CDYL2: variants seen among roughly 807,000 people sequenced by gnomAD.
The protein encoded by CDYL2 is chromodomain Y like 2.
Under a neutral mutation model 49.4 loss-of-function variants are expected in CDYL2, and 23 were observed. The observed-to-expected ratio is 0.47, with a 90% confidence interval of 0.34 to 0.66. The LOEUF (loss-of-function observed/expected upper bound fraction) is 0.66, where lower values mean the gene tolerates loss of function less well. CDYL2 is among the 30% of genes least tolerant of loss of function. The pLI is 0.01. For missense variants in CDYL2, 678 were observed against 656.4 expected (o/e 1.03, Z -0.36); for synonymous variants, 360 against 268.8 (o/e 1.34, Z -3.32).
intron 2 of CDYL2, among the ~76,000 whole-genome samples, chr16:80,646,510 G>T (rs769859850): frequency 6.6e-6 from 1 of 151,806 alleles, no homozygotes; most frequent in Non-Finnish European, 1.5e-5. Flanking sequence ...CAAGACCCAG[G>T]TCGGGCGTGG....
At chr16:80,627,372 G>A (rs912194015) in intron 3 of CDYL2, among the ~76,000 whole-genome samples, 1 of 151,668 alleles carries the variant, frequency 6.6e-6, no homozygotes, top group South Asian at 2.1e-4. Flanking sequence ...TCTGGCTAAG[G>A]CCATACTTAC....
chr16:80,711,432 T>C (rs973341284), intron 1 of CDYL2, among the ~76,000 whole-genome samples: 14 of 152,196 alleles, frequency 9.2e-5, no homozygotes, highest in Admixed American at 9.2e-4. Flanking sequence ...GGGACTGCTT[T>C]GAGTGCTTAA....
chr16:80,728,532 C>T lies in CDYL2; in HGVS notation c.25-43403G>A, dbSNP rs868504463. Among the ~76,000 whole-genome samples, 1,139 of 152,204 alleles carry T rather than the reference C, an allele frequency of 7.5e-3. 20 individuals are homozygous for T. Among genetic ancestry groups the T allele is most frequent in the African/African-American group, 0.026 (1,061 of 41,486 alleles). On this transcript the variant is annotated intron_variant, in intron 1 of 6. Coordinates refer to ENST00000570137, the MANE Select transcript of CDYL2 (RefSeq NM_152342.4). ...AGTTGGAAAACACTCTGCAGGATAT[C>T]ATCCAGGAGAACTTGCCCAATCTAG...
At chr16:80,739,525 G>C (rs866518642) in intron 1 of CDYL2, among the ~76,000 whole-genome samples, 1 of 152,228 alleles carries the variant, frequency 6.6e-6, no homozygotes. Context: ...TAGGACAAAA[G>C]ATCAGGAGCT....
intron 2 of CDYL2, among the ~76,000 whole-genome samples, chr16:80,673,067 C>T (rs199961656): frequency 6.6e-6 from 1 of 152,122 alleles, no homozygotes; most frequent in South Asian, 2.1e-4. Context: ...CCTGTAATCC[C>T]AGCACTTTGG....
At chr16:80,780,077 C>G (rs74030433) in intron 1 of CDYL2, among the ~76,000 whole-genome samples, 3 of 151,952 alleles carry the variant, frequency 2.0e-5, no homozygotes, top group African/African-American at 7.3e-5. Context: ...AATCTAAGGA[C>G]CTGAAAACAA....
rs1906240293 is a variant in CDYL2, at chr16:80,604,448, G to A, written c.1461C>T (p.Ser487=). 6.2e-7 allele frequency: 1 copy of A among 1,614,104 alleles called. No homozygotes were observed. Among genetic ancestry groups the A allele is most frequent in the South Asian group, 1.1e-5 (1 of 91,092 alleles). ...AAAGGGAGTCAAGGCCTTTGGAGGA[G>A]CTCCAGAGCTGCTTGAGCATGAGGC... ...KECLMLKQLW[S]SSKGLDSLFS... is the part of the protein sequence containing the mutation. The change falls in exon 7 of 7, where the codon AGC becomes AGT. Residue 487 remains serine, a synonymous_variant. Transcript: ENST00000570137.
intron 6 of CDYL2, among the ~76,000 whole-genome samples, chr16:80,605,939 G>A (rs77086080): frequency 0.19 from 29,211 of 152,154 alleles, 2,924 homozygotes; most frequent in East Asian, 0.33. Context: ...CCACTCATGG[G>A]TAGAGGGAGC....
At position 80,619,286 on chromosome 16, in the gene CDYL2, C is replaced by T. The variant is rs538855080; in HGVS notation, c.1007+1477G>A. 2.6e-5 allele frequency among the ~76,000 whole-genome samples: 4 copies of T among 152,310 alleles called. No individual in the cohort carries two copies. The South Asian group carries it at 6.2e-4, about 24-fold the overall frequency. ...AAGAGCCTTTTTCCAAATACGGTCA[C>T]CTCCACAGGTTCCAGGGATTGGCAC... On this transcript the variant is annotated intron_variant, in intron 4 of 6. Transcript: ENST00000570137.
chr16:80,768,752 G>A (rs1250539627), intron 1 of CDYL2, among the ~76,000 whole-genome samples: 1 of 152,174 alleles, frequency 6.6e-6, no homozygotes, highest in Non-Finnish European at 1.5e-5. Context: ...ATGGAATTAG[G>A]TCGCCTGGGT....
At chr16:80,803,708 C>T (rs1018680687) in intron 1 of CDYL2, among the ~76,000 whole-genome samples, 9 of 142,412 alleles carry the variant, frequency 6.3e-5, no homozygotes, top group African/African-American at 2.3e-4. Context: ...CGCGCAACCC[C>T]CGCCCCACAC....
At chr16:80,641,286 G>A (rs112856188) in intron 2 of CDYL2, among the ~76,000 whole-genome samples, 1 of 152,048 alleles carries the variant, frequency 6.6e-6, no homozygotes, top group African/African-American at 2.4e-5. Flanking sequence ...AACCTTACAG[G>A]CCAGGAGAGA....
At chr16:80,747,506 G>A (rs1403641283) in intron 1 of CDYL2, among the ~76,000 whole-genome samples, 2 of 152,186 alleles carry the variant, frequency 1.3e-5, no homozygotes, top group African/African-American at 2.4e-5. Context: ...GGCCTATTAC[G>A]TGCTTAATAA....
chr16:80,734,319 G>C (rs1401234881), intron 1 of CDYL2, among the ~76,000 whole-genome samples: 1 of 152,062 alleles, frequency 6.6e-6, no homozygotes, highest in East Asian at 1.9e-4. Context: ...AGGACTTCGG[G>C]GTCATAATCA....
At chr16:80,666,314 A>G (rs1447361225) in intron 2 of CDYL2, among the ~76,000 whole-genome samples, 3 of 152,160 alleles carry the variant, frequency 2.0e-5, no homozygotes, top group Non-Finnish European at 4.4e-5. Context: ...TGTAACTGGG[A>G]CGTCTATTAA....
At chr16:80,670,958 T>C (rs1249944775) in intron 2 of CDYL2, 10 of 455,850 alleles carry the variant, frequency 2.2e-5, no homozygotes, top group Non-Finnish European at 4.0e-5. Context: ...TGGAATAACA[T>C]GAATATCTAA....
At chr16:80,640,375 G>C (rs895464449) in intron 2 of CDYL2, among the ~76,000 whole-genome samples, 9 of 152,122 alleles carry the variant, frequency 5.9e-5, no homozygotes, top group African/African-American at 1.9e-4. Flanking sequence ...CATCTTGGAA[G>C]GATTCATCAC....
chr16:80,766,257 T>C (rs1014488497), intron 1 of CDYL2, among the ~76,000 whole-genome samples: 1 of 151,860 alleles, frequency 6.6e-6, no homozygotes, highest in Non-Finnish European at 1.5e-5. Context: ...AGTATGTGAA[T>C]CACATCTCAA....
intron 1 of CDYL2, among the ~76,000 whole-genome samples, chr16:80,781,981 C>T (rs1277068448): frequency 6.6e-6 from 1 of 151,646 alleles, no homozygotes; most frequent in Non-Finnish European, 1.5e-5. Flanking sequence ...AACTGCATAT[C>T]TTGAGTAAAT....
Sources: allele counts gnomAD v4.1 joint callset (sites outside exome capture counted in the v4.1 genomes callset), GRCh38; gene constraint gnomAD v4.1.1; transcripts MANE v1.5; gene names NCBI Gene and HGNC (gene_info 2026-07-23, HGNC 2026-07-21).